CNTNAP2: variants seen among roughly 807,000 people sequenced by gnomAD.
The protein encoded by CNTNAP2 is contactin-associated protein-like 2.
A neutral mutation model predicts 155.2 loss-of-function variants in CNTNAP2; 98 were observed. That is an observed-to-expected ratio of 0.63 (90% confidence interval 0.54 to 0.75). The LOEUF (loss-of-function observed/expected upper bound fraction) is 0.75, where lower values mean the gene tolerates loss of function less well. Ranked by LOEUF, CNTNAP2 falls within the 30% of genes least tolerant of loss-of-function variation. CNTNAP2 has a pLI of 0.00. For synonymous variants in CNTNAP2, 651 were observed against 631.2 expected (o/e 1.03, Z -0.47); for missense variants, 1,727 against 1,688.1 (o/e 1.02, Z -0.40).
chr7:148,016,591 A>G (rs1802180399), intron 15 of CNTNAP2, among the ~76,000 whole-genome samples: 1 of 152,272 alleles, frequency 6.6e-6, no homozygotes, highest in Non-Finnish European at 1.5e-5. Context: ...TGCTTGCTTA[A>G]AGATAATTTC....
intron 15 of CNTNAP2, among the ~76,000 whole-genome samples, chr7:148,069,722 T>G (rs1233975803): frequency 7.0e-6 from 1 of 143,116 alleles, no homozygotes; most frequent in Admixed American, 7.3e-5. Context: ...ATTGCGCCAC[T>G]GCACTCCAGC....
At chr7:147,659,863 TAAC>T (rs141863374) in intron 13 of CNTNAP2, among the ~76,000 whole-genome samples, 8,588 of 152,182 alleles carry the variant, frequency 0.056, 806 homozygotes, top group African/African-American at 0.19. Flanking sequence ...TTTGAAAGAA[TAAC>T]AAAGAAACAG....
At chr7:147,916,989 T>C (rs1166462591) in intron 14 of CNTNAP2, among the ~76,000 whole-genome samples, 1 of 152,192 alleles carries the variant, frequency 6.6e-6, no homozygotes, top group Non-Finnish European at 1.5e-5. Flanking sequence ...CATACATGGA[T>C]TCTGTCTCCC....
chr7:146,727,125 T>C (rs918625237), intron 1 of CNTNAP2, among the ~76,000 whole-genome samples: 6 of 152,190 alleles, frequency 3.9e-5, no homozygotes, highest in Non-Finnish European at 4.4e-5. Context: ...CATATGGTCC[T>C]ATAAACCAGT....
At chr7:147,666,174 A>G (rs760100419) in intron 13 of CNTNAP2, among the ~76,000 whole-genome samples, 5 of 152,222 alleles carry the variant, frequency 3.3e-5, no homozygotes, top group Non-Finnish European at 7.3e-5. Flanking sequence ...ATCACCCGAA[A>G]TATACTACCT....
At chr7:147,192,261 C>G (rs148319247) in intron 8 of CNTNAP2, among the ~76,000 whole-genome samples, 4 of 152,288 alleles carry the variant, frequency 2.6e-5, no homozygotes, top group Admixed American at 2.6e-4. Flanking sequence ...AAATCCCAGT[C>G]AGCTGCCTTT....
At chr7:147,481,933 T>C (rs1479212459) in intron 10 of CNTNAP2, among the ~76,000 whole-genome samples, 1 of 152,190 alleles carries the variant, frequency 6.6e-6, no homozygotes, top group Non-Finnish European at 1.5e-5. Flanking sequence ...GAGTCTGGAT[T>C]TGAGAATAAA....
intron 3 of CNTNAP2, among the ~76,000 whole-genome samples, chr7:146,957,755 C>T (rs1797465957): frequency 6.6e-6 from 1 of 151,914 alleles, no homozygotes; most frequent in Non-Finnish European, 1.5e-5. Context: ...CTCATGTACT[C>T]CATAAAAATA....
At chr7:148,379,517 A>G (rs1447072107) in intron 21 of CNTNAP2, among the ~76,000 whole-genome samples, 1 of 151,958 alleles carries the variant, frequency 6.6e-6, no homozygotes, top group Non-Finnish European at 1.5e-5. Flanking sequence ...CAACCTGGGT[A>G]ACATAACAAA....
chr7:148,140,896 G>T (rs2116643403), intron 16 of CNTNAP2, among the ~76,000 whole-genome samples: 1 of 152,356 alleles, frequency 6.6e-6, no homozygotes, highest in South Asian at 2.1e-4. Flanking sequence ...CCTCTTGAGG[G>T]CAAGGCTAAA....
At chr7:146,673,545 C>G (rs769560431) in intron 1 of CNTNAP2, among the ~76,000 whole-genome samples, 4 of 152,120 alleles carry the variant, frequency 2.6e-5, no homozygotes, top group Non-Finnish European at 5.9e-5. Context: ...ACTCTTGTAA[C>G]AAGTAGCCAA....
intron 13 of CNTNAP2, among the ~76,000 whole-genome samples, chr7:147,839,557 T>C (rs77995714): frequency 0.059 from 8,926 of 152,178 alleles, 352 homozygotes; most frequent in Middle Eastern, 0.14. Context: ...GGGTTTCTTA[T>C]TTTTGACATT....
At chr7:148,012,674 G>A (rs188664246) in intron 15 of CNTNAP2, among the ~76,000 whole-genome samples, 45 of 152,248 alleles carry the variant, frequency 3.0e-4, no homozygotes, top group African/African-American at 8.4e-4. Flanking sequence ...TGTGTCACAC[G>A]CATAATAAAA....
intron 8 of CNTNAP2, among the ~76,000 whole-genome samples, chr7:147,261,763 C>A (rs946070677): frequency 1.3e-5 from 2 of 152,120 alleles, no homozygotes; most frequent in African/African-American, 4.8e-5. Flanking sequence ...ATTATGACAG[C>A]CAACTGTTTT....
At chr7:146,882,954 C>T (rs1036293592) in intron 3 of CNTNAP2, among the ~76,000 whole-genome samples, 2 of 152,120 alleles carry the variant, frequency 1.3e-5, no homozygotes, top group Non-Finnish European at 2.9e-5. Flanking sequence ...ATTCCATGTT[C>T]ATGGATTGAA....
chr7:147,005,844 A>G (rs1798514062), intron 3 of CNTNAP2, among the ~76,000 whole-genome samples: 1 of 152,190 alleles, frequency 6.6e-6, no homozygotes, highest in East Asian at 1.9e-4. Context: ...TGTTGTCTGC[A>G]GTTTCTCAAA....
intron 8 of CNTNAP2, among the ~76,000 whole-genome samples, chr7:147,200,891 A>G (rs1341401072): frequency 1.3e-5 from 2 of 152,240 alleles, no homozygotes; most frequent in Non-Finnish European, 2.9e-5. Flanking sequence ...AAGATGAACT[A>G]TAAAACATAA....
chr7:148,142,856 C>T (rs1023358335), intron 16 of CNTNAP2, among the ~76,000 whole-genome samples: 1 of 152,206 alleles, frequency 6.6e-6, no homozygotes, highest in African/African-American at 2.4e-5. Context: ...GCTGGAATTA[C>T]ACTTGGAAGG....
At chr7:146,119,781 T>G (rs1482593946) in intron 1 of CNTNAP2, among the ~76,000 whole-genome samples, 1 of 152,114 alleles carries the variant, frequency 6.6e-6, no homozygotes, top group South Asian at 2.1e-4. Flanking sequence ...TATAATTTCA[T>G]TGACCAACAC....
Sources: gnomAD v4.1 joint callset for allele counts (sites outside exome capture counted in the v4.1 genomes callset) on GRCh38, gnomAD v4.1.1 for gene constraint, MANE v1.5 for transcripts, NCBI Gene and HGNC (gene_info 2026-07-23, HGNC 2026-07-21) for gene names.